The following LRRC4C variants were observed in gnomAD, a reference collection of about 807,000 sequenced individuals.
LRRC4C encodes the protein leucine rich repeat containing 4C.
LRRC4C carries 5 observed loss-of-function variants against 33.6 expected under a neutral mutation model. That is an observed-to-expected ratio of 0.15 (90% CI 0.08 to 0.31). The LOEUF (loss-of-function observed/expected upper bound fraction) is 0.31. Ranked by LOEUF, LRRC4C falls within the 10% of genes least tolerant of loss-of-function variation. LRRC4C has a pLI of 1.00. For missense variants in LRRC4C, 560 were observed against 796.7 expected, an observed-to-expected ratio of 0.70 and a Z score of 3.58; for synonymous variants, 329 against 302.0, an observed-to-expected ratio of 1.09 and a Z score of -0.93.
At chr11:40,164,020 A>C (rs1859382321) in intron 5 of LRRC4C, among the ~76,000 whole-genome samples, 1 of 152,192 alleles carries the variant, frequency 6.6e-6, no homozygotes, top group Non-Finnish European at 1.5e-5. Flanking sequence ...TTGTAGCAAG[A>C]GATTCTCCTG....
At position 40,597,872 on chromosome 11, in the gene LRRC4C, C is replaced by A. The variant is rs546006677; in HGVS notation, c.-270+50270G>T. Among the ~76,000 whole-genome samples, 3 of 152,176 alleles carry A rather than the reference C, an allele frequency of 2.0e-5. No homozygotes were observed. The East Asian group carries it at 5.8e-4, about 29-fold the overall frequency. ...GCTCAGTAACATGAGGAAAGTTGGC[C>A]AATAGTTTGCATAATATTTTTGGCC... On this transcript the variant is annotated intron_variant, in intron 3 of 6. Coordinates refer to ENST00000528697, the MANE Select transcript of LRRC4C (RefSeq NM_001258419.2).
At chr11:41,236,508 C>T (rs1378568764) in intron 1 of LRRC4C, among the ~76,000 whole-genome samples, 2 of 151,538 alleles carry the variant, frequency 1.3e-5, no homozygotes, top group African/African-American at 2.4e-5. Context: ...TTATAATGCT[C>T]TCATGAGCTA....
intron 5 of LRRC4C, among the ~76,000 whole-genome samples, chr11:40,191,157 G>C (rs1861811295): frequency 6.6e-6 from 1 of 152,140 alleles, no homozygotes; most frequent in Non-Finnish European, 1.5e-5. Context: ...GGCCCCATGT[G>C]ATGGGAACCA....
intron 3 of LRRC4C, among the ~76,000 whole-genome samples, chr11:40,325,850 T>C (rs1946073722): frequency 6.6e-6 from 1 of 152,116 alleles, no homozygotes; most frequent in Non-Finnish European, 1.5e-5. Context: ...GTTCAACATA[T>C]ATGGATTGAC....
intron 2 of LRRC4C, among the ~76,000 whole-genome samples, chr11:40,933,150 T>C (rs1957706442): frequency 6.6e-6 from 1 of 152,212 alleles, no homozygotes; most frequent in South Asian, 2.1e-4. Context: ...GGATAAATTA[T>C]GAGTTCAGTA....
chr11:40,994,069 T>A (rs1592285909), intron 1 of LRRC4C, among the ~76,000 whole-genome samples: 1 of 143,202 alleles, frequency 7.0e-6, no homozygotes, highest in African/African-American at 2.5e-5. Flanking sequence ...TTTTTTTTTT[T>A]AAGGAGTTCA....
intron 3 of LRRC4C, among the ~76,000 whole-genome samples, chr11:40,582,422 G>A (rs1454563181): frequency 1.3e-5 from 2 of 151,720 alleles, no homozygotes; most frequent in African/African-American, 4.8e-5. Context: ...TCACAGACAG[G>A]CTAAAACTCA....
intron 3 of LRRC4C, among the ~76,000 whole-genome samples, chr11:40,440,015 C>A (rs1196078637): frequency 6.6e-6 from 1 of 152,192 alleles, no homozygotes; most frequent in Non-Finnish European, 1.5e-5. Context: ...CTGCTTTCAG[C>A]ATTGCAATGA....
At chr11:41,092,502 A>G (rs1017173539) in intron 1 of LRRC4C, among the ~76,000 whole-genome samples, 1 of 152,202 alleles carries the variant, frequency 6.6e-6, no homozygotes, top group Non-Finnish European at 1.5e-5. Context: ...TAATTGCATC[A>G]AAAGGCTATA....
intron 2 of LRRC4C, among the ~76,000 whole-genome samples, chr11:40,878,192 C>T (rs1375906386): frequency 1.3e-5 from 2 of 152,020 alleles, no homozygotes; most frequent in East Asian, 1.9e-4. Context: ...AAATAAGTGT[C>T]GGATTCTGAC....
chr11:40,723,795 C>G (rs1377530637), intron 2 of LRRC4C, among the ~76,000 whole-genome samples: 1 of 152,152 alleles, frequency 6.6e-6, no homozygotes, highest in African/African-American at 2.4e-5. Flanking sequence ...TAAACACCCA[C>G]TTAACAGACA....
intron 1 of LRRC4C, among the ~76,000 whole-genome samples, chr11:41,225,418 A>G (rs1432699777): frequency 1.3e-5 from 2 of 152,148 alleles, no homozygotes; most frequent in Admixed American, 6.5e-5. Flanking sequence ...CAATAAAAAT[A>G]TATACCTTCT....
intron 4 of LRRC4C, among the ~76,000 whole-genome samples, chr11:40,302,222 C>G (rs1309577695): frequency 6.6e-6 from 1 of 152,164 alleles, no homozygotes; most frequent in Admixed American, 6.6e-5. Flanking sequence ...GACATTTTAT[C>G]ACAACCTTCA....
At chr11:40,500,271 G>GATAT (rs377169790) in intron 3 of LRRC4C, among the ~76,000 whole-genome samples, 1,640 of 104,828 alleles carry the variant, frequency 0.016, 46 homozygotes, top group African/African-American at 0.034. Context: ...CCTAATGTCT[G>GATAT]ATATATATAT....
chr11:41,352,050 C>T (rs2137578237), intron 1 of LRRC4C, among the ~76,000 whole-genome samples: 1 of 152,188 alleles, frequency 6.6e-6, no homozygotes, highest in South Asian at 2.1e-4. Flanking sequence ...ATGTAAGTGG[C>T]ACTTAAAAGG....
intron 2 of LRRC4C, among the ~76,000 whole-genome samples, chr11:40,872,547 G>T (rs748290417): frequency 3.3e-5 from 5 of 151,896 alleles, no homozygotes; most frequent in Non-Finnish European, 7.4e-5. Flanking sequence ...TTACTTAAAT[G>T]TCTCTTCTTA....
chr11:41,062,486 G>A (rs184965422), intron 1 of LRRC4C, among the ~76,000 whole-genome samples: 65 of 152,124 alleles, frequency 4.3e-4, no homozygotes, highest in African/African-American at 1.5e-3. Flanking sequence ...CTCTTTCTTT[G>A]CTGCTTGACC....
chr11:41,167,322 G>A (rs561527285), intron 1 of LRRC4C, among the ~76,000 whole-genome samples: 2 of 152,268 alleles, frequency 1.3e-5, no homozygotes, highest in South Asian at 2.1e-4. Flanking sequence ...AGCAGGAGGT[G>A]GCTGCTGACA....
intron 3 of LRRC4C, among the ~76,000 whole-genome samples, chr11:40,497,834 G>A (rs777413301): frequency 2.0e-5 from 3 of 152,094 alleles, no homozygotes; most frequent in Non-Finnish European, 4.4e-5. Flanking sequence ...AGGGTCAGAA[G>A]TTAAGCACAA....
Sources: gnomAD v4.1 joint callset for allele counts (sites outside exome capture counted in the v4.1 genomes callset) on GRCh38, gnomAD v4.1.1 for gene constraint, MANE v1.5 for transcripts, NCBI Gene and HGNC (gene_info 2026-07-23, HGNC 2026-07-21) for gene names.